The following MGAT1 variants were observed in gnomAD, a reference collection of about 807,000 sequenced individuals.
The protein encoded by MGAT1 is N-glycosyl-oligosaccharide-glycoprotein N-acetylglucosaminyltransferase I.
Under a neutral mutation model 31.7 loss-of-function variants are expected in MGAT1, and 14 were observed. The ratio of observed to expected loss-of-function variants is 0.44; its 90% CI spans 0.29 to 0.69. The LOEUF is 0.69. Among genes scored for constraint, MGAT1 ranks in the 30% least tolerant of loss-of-function variants. The pLI, the probability that MGAT1 is intolerant of heterozygous loss-of-function variation, is 0.12. For synonymous variants in MGAT1, 338 were observed against 276.0 expected, an observed-to-expected ratio of 1.22 and a Z score of -2.23; for missense variants, 557 against 626.0, an observed-to-expected ratio of 0.89 and a Z score of 1.18.
chr5:180,804,138 C>T (rs1291556913), upstream of MGAT1, among the ~76,000 whole-genome samples: 1 of 116,864 alleles, frequency 8.6e-6, no homozygotes, highest in African/African-American at 3.2e-5. Flanking sequence ...AGGGGCCTCA[C>T]GGGCCAAACC....
chr5:180,795,053 A>G (rs1769039255), intron 1 of MGAT1, among the ~76,000 whole-genome samples: 1 of 152,214 alleles, frequency 6.6e-6, no homozygotes, highest in African/African-American at 2.4e-5. Flanking sequence ...TAATTACACA[A>G]TATGGGTCTT....
upstream of MGAT1, chr5:180,815,558 C>T (rs989529202): frequency 1.3e-5 from 2 of 152,306 alleles, no homozygotes; most frequent in Non-Finnish European, 2.9e-5. Flanking sequence ...AGCTTGTCTC[C>T]CGGTTATTTC....
intron 1 of MGAT1, among the ~76,000 whole-genome samples, chr5:180,800,886 T>C (rs62407764): frequency 0.12 from 18,872 of 152,278 alleles, 1,241 homozygotes; most frequent in East Asian, 0.25. Context: ...AATGATGTCA[T>C]TTATGAGACT....
chr5:180,807,519 G>A (rs185713057), upstream of MGAT1, among the ~76,000 whole-genome samples: 6 of 152,242 alleles, frequency 3.9e-5, no homozygotes, highest in South Asian at 2.1e-4. Flanking sequence ...CTTAAGGAGC[G>A]GGAGAGATAA....
At position 180,785,533 on chromosome 5, in the gene MGAT1, T is replaced by C. The variant is rs1314205688; in HGVS notation, c.*6101A>G. On this transcript the variant is annotated 3_prime_UTR_variant, in exon 2 of 2. Transcript: ENST00000307826. ...TCCCCAGAACCCTCCAGCAAGGGGC[T>C]CAGGGTAGTCAGATGTCTTCCATGA... The C allele has an allele frequency of 6.6e-6, 1 of 152,210 alleles. No homozygotes were observed. Among genetic ancestry groups the C allele is most frequent in the Non-Finnish European group, 1.5e-5 (1 of 68,064 alleles). The allele number at this position is 152,210 out of a possible 1,614,324, so 9.4% of individuals were successfully genotyped here.
At chr5:180,812,338 A>G (rs1454904445) in intron 1 of MGAT1, among the ~76,000 whole-genome samples, 1 of 152,184 alleles carries the variant, frequency 6.6e-6, no homozygotes, top group Non-Finnish European at 1.5e-5. Context: ...TTGCATTATG[A>G]TTTCTAATCA....
chr5:180,804,012 A>G (rs531091591), upstream of MGAT1: 351 of 152,460 alleles, frequency 2.3e-3, 1 homozygote, highest in Middle Eastern at 6.8e-3. Context: ...TTGTTTCTAC[A>G]TGAAACCACG....
chr5:180,792,818 G>T lies in MGAT1; in HGVS notation c.154C>A (p.Arg52=), dbSNP rs867087689. 1 of 1,560,814 alleles carries T rather than the reference G, an allele frequency of 6.4e-7. No individual in the cohort carries two copies. The highest frequency in any genetic ancestry group is 8.7e-7 in the Non-Finnish European group (1 of 1,153,232). The change falls in exon 2 of 2, where the codon CGG becomes AGG. Residue 52 remains arginine, a synonymous_variant. Transcript: ENST00000307826. ...ALDGDPASLT[R]EVIRLAQDAE... ...TCTTGGGCCAGGCGAATCACTTCCC[G>T]GGTGAGGCTGGCGGGGTCGCCATCG...
At chr5:180,801,449 C>A (rs867720244) in intron 1 of MGAT1, among the ~76,000 whole-genome samples, 2 of 152,130 alleles carry the variant, frequency 1.3e-5, no homozygotes, top group African/African-American at 4.8e-5. Flanking sequence ...TAGACCTTGG[C>A]TGGACTCCTG....
Position 180,793,059 on chromosome 5 carries a change from G to T in MGAT1, c.-88C>A. Reference sequence around the variant, plus strand: ...CTCCCTTGCCCGCAGTCCTAGGGATGCCTCCTCTGGACTATGGGATTAGGA... The same window carrying T: ...CTCCCTTGCCCGCAGTCCTAGGGATTCCTCCTCTGGACTATGGGATTAGGA... On this transcript the variant is annotated 5_prime_UTR_variant, in exon 2 of 2. Transcript: ENST00000307826. 6.7e-7 allele frequency: 1 copy of T among 1,487,732 alleles called. No homozygotes were observed. Among genetic ancestry groups the T allele is most frequent in the Admixed American group, 2.0e-5 (1 of 51,266 alleles). The allele number at this position is 1,487,732 out of a possible 1,614,324, so 92.2% of individuals were successfully genotyped here.
intron 1 of MGAT1, among the ~76,000 whole-genome samples, chr5:180,798,840 A>G (rs1335214575): frequency 6.7e-6 from 1 of 149,114 alleles, no homozygotes; most frequent in Non-Finnish European, 1.5e-5. Flanking sequence ...TCACCAGATC[A>G]TCTTTTCAAA....
intron 1 of MGAT1, chr5:180,810,184 C>G (rs1006173896): frequency 6.6e-6 from 1 of 151,808 alleles, no homozygotes; most frequent in African/African-American, 2.4e-5. Flanking sequence ...CTCCTTCCCC[C>G]CTCCCACCAT....
At chr5:180,799,558 A>G (rs561368557) in intron 1 of MGAT1, among the ~76,000 whole-genome samples, 1 of 152,200 alleles carries the variant, frequency 6.6e-6, no homozygotes, top group African/African-American at 2.4e-5. Flanking sequence ...AGACTCTATG[A>G]CCTCTGTGCC....
In MGAT1 at chr5:180,787,583, C is replaced by T. The variant is rs544777204; in HGVS notation, c.*4051G>A. 1.1e-4 allele frequency: 16 copies of T among 152,318 alleles called. No individual in the cohort carries two copies. Among genetic ancestry groups the T allele is most frequent in the African/African-American group, 2.9e-4 (12 of 41,546 alleles). The allele number at this position is 152,318 out of a possible 1,614,324, so 9.4% of individuals were successfully genotyped here. On this transcript the variant is annotated 3_prime_UTR_variant, in exon 2 of 2. Coordinates refer to ENST00000307826, the MANE Select transcript of MGAT1 (RefSeq NM_002406.4). ...CGTCTGGAAGGATACACCACCCACG[C>T]GTAAACACACGTTAAGGGAGCGTGT...
At chr5:180,794,405 T>TTTA (rs1410307376) in intron 1 of MGAT1, among the ~76,000 whole-genome samples, 3 of 122,412 alleles carry the variant, frequency 2.5e-5, no homozygotes, top group African/African-American at 3.4e-5. Flanking sequence ...AAAAAATTTT[T>TTTA]TTTTATTATA....
intron 1 of MGAT1, among the ~76,000 whole-genome samples, chr5:180,812,138 T>C (rs1308665961): frequency 6.6e-6 from 1 of 152,252 alleles, no homozygotes; most frequent in African/African-American, 2.4e-5. Context: ...GGAGGCACAT[T>C]TGATTTTTGA....
chr5:180,801,188 T>C (rs1318778996), intron 1 of MGAT1, among the ~76,000 whole-genome samples: 1 of 152,260 alleles, frequency 6.6e-6, no homozygotes, highest in East Asian at 1.9e-4. Flanking sequence ...CTCCAGCCTA[T>C]TTCCTTTATC....
At chr5:180,795,276 G>GGT (rs1433349735) in intron 1 of MGAT1, 7 of 130,340 alleles carry the variant, frequency 5.4e-5, no homozygotes, top group South Asian at 2.6e-4. Context: ...TACTTTTACA[G>GGT]GTATATATAT....
chr5:180,788,779 T>C lies in MGAT1; in HGVS notation c.*2855A>G, dbSNP rs928422646. ...TAAGTTGGTACTTATCCTGGAGCAC[T>C]AAGTAAGTTGGTACTTATCCTGGAG... is the stretch of plus-strand genomic sequence containing the variant. On this transcript the variant is annotated 3_prime_UTR_variant, in exon 2 of 2. Coordinates refer to ENST00000307826, the MANE Select transcript of MGAT1 (RefSeq NM_002406.4). The C allele has an allele frequency of 1.4e-5, 2 of 144,404 alleles. No homozygotes were observed. The highest frequency in any genetic ancestry group is 5.2e-5 in the African/African-American group (2 of 38,588). 8.9% of individuals were successfully genotyped at this position (144,404 alleles called of 1,614,324 possible).
Sources: allele counts gnomAD v4.1 joint callset (sites outside exome capture counted in the v4.1 genomes callset), GRCh38; gene constraint gnomAD v4.1.1; transcripts MANE v1.5; gene names NCBI Gene and HGNC (gene_info 2026-07-23, HGNC 2026-07-21).